The following ELOVL6 variants were observed in gnomAD, a reference collection of about 807,000 sequenced individuals.
ELOVL6 encodes the protein very long chain fatty acid elongase 6.
Under a neutral mutation model 31.7 loss-of-function variants are expected in ELOVL6, and 8 were observed. The observed-to-expected ratio is 0.25, with a 90% CI of 0.15 to 0.45. The LOEUF is 0.45. Among genes scored for constraint, ELOVL6 ranks in the 20% least tolerant of loss-of-function variants. The probability of loss-of-function intolerance (pLI) is 1.00; values close to 1 mark genes in which losing one functional copy is unlikely to be tolerated. For missense variants in ELOVL6, 126 were observed against 326.4 expected (o/e 0.39, Z 4.73); for synonymous variants, 101 against 117.7 (o/e 0.86, Z 0.92).
intron 2 of ELOVL6, among the ~76,000 whole-genome samples, chr4:110,094,574 G>A (rs1756526196): frequency 6.7e-6 from 1 of 149,790 alleles, no homozygotes; most frequent in African/African-American, 2.5e-5. Context: ...GCAAATACAA[G>A]GGCCCTGAGG....
chr4:110,145,013 T>C (rs543494792), intron 1 of ELOVL6, among the ~76,000 whole-genome samples: 91 of 152,074 alleles, frequency 6.0e-4, no homozygotes, highest in Non-Finnish European at 9.3e-4. Flanking sequence ...CAGAGTCTGA[T>C]AAGGCTGGTA....
intron 1 of ELOVL6, among the ~76,000 whole-genome samples, chr4:110,156,721 A>G (rs1459271975): frequency 1.3e-5 from 2 of 152,168 alleles, no homozygotes; most frequent in Non-Finnish European, 2.9e-5. Flanking sequence ...CATGTAATAA[A>G]GCACATGCTT....
At chr4:110,084,653 G>T (rs1756195317) in intron 2 of ELOVL6, among the ~76,000 whole-genome samples, 1 of 127,838 alleles carries the variant, frequency 7.8e-6, no homozygotes, top group Non-Finnish European at 1.6e-5. Context: ...GGAGTACAGT[G>T]GCGTGATCTC....
chr4:110,196,278 G>GCTGACCACA (rs111511450), intron 1 of ELOVL6, among the ~76,000 whole-genome samples: 18 of 152,302 alleles, frequency 1.2e-4, no homozygotes, highest in Non-Finnish European at 1.3e-4. Flanking sequence ...AGAAGCAAAT[G>GCTGACCACA]CTGACCACAC....
chr4:110,097,549 G>T lies in ELOVL6; in HGVS notation c.221+7948C>A, dbSNP rs543853694. On this transcript the variant is annotated intron_variant, in intron 2 of 3. Transcript: ENST00000302274. Reference sequence around the variant, plus strand: ...GCTTTTAAATAATAATACAGTGTGGGTGCTTCACTTTTCTCTTGGTGCAGA... The same window carrying T: ...GCTTTTAAATAATAATACAGTGTGGTTGCTTCACTTTTCTCTTGGTGCAGA... 7.9e-5 allele frequency among the ~76,000 whole-genome samples: 12 copies of T among 152,128 alleles called. No individual in the cohort carries two copies. The South Asian group carries it at 2.3e-3, about 29-fold the overall frequency.
At chr4:110,088,595 T>A (rs1364733928) in intron 2 of ELOVL6, among the ~76,000 whole-genome samples, 1 of 152,208 alleles carries the variant, frequency 6.6e-6, no homozygotes, top group Non-Finnish European at 1.5e-5. Flanking sequence ...ATATAGTATT[T>A]TTTTCCTTAC....
chr4:110,081,211 A>C, intron 2 of ELOVL6, among the ~76,000 whole-genome samples: 1 of 152,186 alleles, frequency 6.6e-6, no homozygotes, highest in Non-Finnish European at 1.5e-5. Flanking sequence ...CAAGCTACCA[A>C]TGATTTTCTT....
chr4:110,198,645 C>T (rs1315411541), upstream of ELOVL6: 1 of 288,852 alleles, frequency 3.5e-6, no homozygotes, highest in African/African-American at 2.2e-5. Flanking sequence ...ACCCTTTTTA[C>T]TCGTCTACAG....
chr4:110,059,496 T>C (rs1578444491), intron 3 of ELOVL6, 107 bp downstream of exon 3: 2 of 1,227,724 alleles, frequency 1.6e-6, no homozygotes, highest in East Asian at 2.4e-5. Context: ...TGTAACTTTC[T>C]TGCAACCAAC....
chr4:110,095,264 C>T (rs1756547835), intron 2 of ELOVL6, among the ~76,000 whole-genome samples: 1 of 151,998 alleles, frequency 6.6e-6, no homozygotes, highest in East Asian at 1.9e-4. Flanking sequence ...GGCAGATCAC[C>T]TGAGGTCAGC....
At chr4:110,175,488 A>T (rs917147524) in intron 1 of ELOVL6, among the ~76,000 whole-genome samples, 2 of 152,222 alleles carry the variant, frequency 1.3e-5, no homozygotes, top group African/African-American at 4.8e-5. Context: ...GTAGTGTGTA[A>T]AATTTTAAAT....
intron 2 of ELOVL6, among the ~76,000 whole-genome samples, chr4:110,095,714 C>T (rs1475728798): frequency 1.3e-5 from 2 of 151,986 alleles, no homozygotes; most frequent in East Asian, 1.9e-4. Flanking sequence ...GTAGAATATC[C>T]TTGGGTAGAG....
intron 1 of ELOVL6, among the ~76,000 whole-genome samples, chr4:110,110,615 C>T (rs1173828258): frequency 1.3e-5 from 2 of 151,900 alleles, no homozygotes; most frequent in East Asian, 3.9e-4. Flanking sequence ...AGACTGGTCC[C>T]CAACTCCTGG....
rs1553956015 is a variant in ELOVL6 at position 110,084,164 on chromosome 4, G to GTGATAA, written c.221+21332_221+21333insTTATCA. On this transcript the variant is annotated intron_variant, in intron 2 of 3. Transcript: ENST00000302274. ...TATATATGATATATATAACATATAT[G>GTGATAA]TGATATATATGATATATATAACATA... Among the ~76,000 whole-genome samples, 32 of 45,572 alleles carry GTGATAA rather than the reference G, an allele frequency of 7.0e-4. No individual in the cohort carries two copies. The African/African-American group carries it at 7.0e-3, about 10-fold the overall frequency. 29.9% of individuals were successfully genotyped at this position (45,572 alleles called of 152,430 possible).
intron 1 of ELOVL6, among the ~76,000 whole-genome samples, chr4:110,109,850 C>T (rs1756981411): frequency 6.6e-6 from 1 of 152,196 alleles, no homozygotes; most frequent in South Asian, 2.1e-4. Flanking sequence ...GCTTGGGAAG[C>T]TGGCCTGAGC....
intron 2 of ELOVL6, among the ~76,000 whole-genome samples, chr4:110,069,746 G>A (rs1186253696): frequency 6.6e-6 from 1 of 152,172 alleles, no homozygotes; most frequent in African/African-American, 2.4e-5. Context: ...TTAGGATAGT[G>A]TTTCTCTGCC....
intron 1 of ELOVL6, among the ~76,000 whole-genome samples, chr4:110,157,250 T>C (rs1758459896): frequency 6.6e-6 from 1 of 152,152 alleles, no homozygotes; most frequent in Admixed American, 6.6e-5. Context: ...TGAAGCATAA[T>C]ATGAAATTAA....
chr4:110,101,474 A>G (rs1346191075), intron 2 of ELOVL6, among the ~76,000 whole-genome samples: 5 of 152,176 alleles, frequency 3.3e-5, no homozygotes, highest in Non-Finnish European at 7.3e-5. Context: ...ATGTGTACGT[A>G]TATTTTAGGA....
intron 1 of ELOVL6, chr4:110,117,882 A>AC (rs1757216171): frequency 1.1e-4 from 1 of 9,242 alleles, no homozygotes; most frequent in African/African-American, 4.7e-4. Context: ...ACTCTGTCTC[A>AC]AAAAAAAAAA....
Sources: allele counts gnomAD v4.1 joint callset (sites outside exome capture counted in the v4.1 genomes callset), GRCh38; gene constraint gnomAD v4.1.1; transcripts MANE v1.5; gene names NCBI Gene and HGNC (gene_info 2026-07-23, HGNC 2026-07-21).